The following LPP variants were observed in gnomAD, a reference collection of about 807,000 sequenced individuals.
LPP encodes the protein LIM domain containing preferred translocation partner in lipoma.
LPP carries 38 observed loss-of-function variants against 60.4 expected under a neutral mutation model. The observed-to-expected ratio is 0.63, with a 90% confidence interval of 0.49 to 0.83. The LOEUF is 0.83. LPP is among the 40% of genes least tolerant of loss of function. The pLI is 0.00. For missense variants in LPP, 902 were observed against 783.6 expected, an observed-to-expected ratio of 1.15 and a Z score of -1.80; for synonymous variants, 328 against 290.8, an observed-to-expected ratio of 1.13 and a Z score of -1.30.
At chr3:188,808,269 C>T (rs1332882396) in intron 9 of LPP, among the ~76,000 whole-genome samples, 1 of 151,970 alleles carries the variant, frequency 6.6e-6, no homozygotes, top group African/African-American at 2.4e-5. Flanking sequence ...AAATTTTGCA[C>T]TGTTGGTGGG....
At chr3:188,175,689 A>C (rs549728657) in intron 1 of LPP, among the ~76,000 whole-genome samples, 1 of 152,164 alleles carries the variant, frequency 6.6e-6, no homozygotes, top group Non-Finnish European at 1.5e-5. Flanking sequence ...CTTTATACTA[A>C]AAAGAGATCA....
intron 8 of LPP, chr3:188,725,320 G>A (rs1717965593): frequency 6.6e-6 from 1 of 152,202 alleles, no homozygotes; most frequent in Non-Finnish European, 1.5e-5. Context: ...CAATCCAAGT[G>A]CGTGCAGCCC....
chr3:188,494,787 C>G (rs760119782), intron 5 of LPP, among the ~76,000 whole-genome samples: 14 of 152,020 alleles, frequency 9.2e-5, no homozygotes, highest in Non-Finnish European at 1.9e-4. Flanking sequence ...GGCTGCATGA[C>G]TGTAACGTGC....
intron 8 of LPP, among the ~76,000 whole-genome samples, chr3:188,753,704 C>T (rs569025794): frequency 6.6e-6 from 1 of 151,836 alleles, no homozygotes; most frequent in Non-Finnish European, 1.5e-5. Flanking sequence ...GTCTCCGAAA[C>T]TGTTTTGTGT....
intron 3 of LPP, among the ~76,000 whole-genome samples, chr3:188,359,211 C>T (rs1466580497): frequency 6.6e-6 from 1 of 152,146 alleles, no homozygotes; most frequent in East Asian, 1.9e-4. Context: ...CAACAGTCCC[C>T]TTTTGAAAGA....
At chr3:188,168,548 A>G (rs923672424) in intron 1 of LPP, among the ~76,000 whole-genome samples, 6 of 152,256 alleles carry the variant, frequency 3.9e-5, no homozygotes, top group African/African-American at 1.4e-4. Flanking sequence ...TTAAATGAAT[A>G]AACTTAATAT....
chr3:188,560,112 T>C (rs933746134), intron 6 of LPP, among the ~76,000 whole-genome samples: 1 of 152,114 alleles, frequency 6.6e-6, no homozygotes, highest in Admixed American at 6.6e-5. Flanking sequence ...AGAGGAATAA[T>C]TATATTTACT....
At chr3:188,285,277 T>C (rs1396115282) in intron 2 of LPP, among the ~76,000 whole-genome samples, 1 of 152,204 alleles carries the variant, frequency 6.6e-6, no homozygotes. Flanking sequence ...TCTATATATG[T>C]GAAGCGTTAG....
chr3:188,430,229 T>A (rs1018722736), intron 4 of LPP, among the ~76,000 whole-genome samples: 10 of 152,116 alleles, frequency 6.6e-5, no homozygotes, highest in African/African-American at 2.2e-4. Context: ...TTGGAAAAAC[T>A]AGAGTTCAGA....
intron 3 of LPP, among the ~76,000 whole-genome samples, chr3:188,380,239 T>A (rs1379362863): frequency 1.3e-5 from 2 of 152,256 alleles, no homozygotes; most frequent in Non-Finnish European, 2.9e-5. Flanking sequence ...AATTATTTTT[T>A]AAACTACTAG....
At chr3:188,824,361 T>C (rs1001810294) in intron 9 of LPP, among the ~76,000 whole-genome samples, 5 of 152,216 alleles carry the variant, frequency 3.3e-5, no homozygotes, top group African/African-American at 1.2e-4. Context: ...AAATTTGAGC[T>C]AATTAGAATT....
chr3:188,160,356 GGCTAA>G (rs1717877531), intron 1 of LPP, among the ~76,000 whole-genome samples: 1 of 152,056 alleles, frequency 6.6e-6, no homozygotes, highest in Non-Finnish European at 1.5e-5. Flanking sequence ...TGGCACGCCT[GGCTAA>G]TTTTTGTATT....
At chr3:188,788,678 G>A (rs1446574690) in intron 9 of LPP, among the ~76,000 whole-genome samples, 1 of 152,144 alleles carries the variant, frequency 6.6e-6, no homozygotes, top group Non-Finnish European at 1.5e-5. Context: ...GTTGAAGAAG[G>A]ATGACATCAC....
chr3:188,270,363 C>A (rs1435492668), intron 2 of LPP, among the ~76,000 whole-genome samples: 2 of 151,980 alleles, frequency 1.3e-5, no homozygotes, highest in Non-Finnish European at 2.9e-5. Context: ...GTTAAACTTG[C>A]CACTTTTTTC....
intron 4 of LPP, among the ~76,000 whole-genome samples, chr3:188,478,099 T>C (rs1257528455): frequency 2.6e-5 from 4 of 152,242 alleles, no homozygotes; most frequent in Non-Finnish European, 5.9e-5. Context: ...CTTATGGAGA[T>C]CATCATTGCT....
chr3:188,805,231 T>G (rs1748725549), intron 9 of LPP, among the ~76,000 whole-genome samples: 1 of 152,070 alleles, frequency 6.6e-6, no homozygotes, highest in Non-Finnish European at 1.5e-5. Context: ...ATGAGTTCCT[T>G]CCTCTCTTAT....
At chr3:188,761,907 G>A (rs2150511269) in intron 9 of LPP, among the ~76,000 whole-genome samples, 1 of 152,278 alleles carries the variant, frequency 6.6e-6, no homozygotes, top group Middle Eastern at 3.4e-3. Context: ...TTGGCACCAC[G>A]TTTATGAAAT....
At chr3:188,317,543 A>C (rs1322672433) in intron 2 of LPP, among the ~76,000 whole-genome samples, 1 of 152,218 alleles carries the variant, frequency 6.6e-6, no homozygotes, top group African/African-American at 2.4e-5. Context: ...TAATCAAATT[A>C]GCCAATAAGT....
intron 9 of LPP, among the ~76,000 whole-genome samples, chr3:188,779,317 A>G (rs1331817651): frequency 6.6e-6 from 1 of 152,130 alleles, no homozygotes; most frequent in Non-Finnish European, 1.5e-5. Context: ...TGGACCATGG[A>G]TTATTTCATT....
Sources: gnomAD v4.1 joint callset for allele counts (sites outside exome capture counted in the v4.1 genomes callset) on GRCh38, gnomAD v4.1.1 for gene constraint, MANE v1.5 for transcripts, NCBI Gene and HGNC (gene_info 2026-07-23, HGNC 2026-07-21) for gene names.